OXR1: variants seen among roughly 807,000 people sequenced by gnomAD.
The protein encoded by OXR1 is oxidation resistance protein 1.
In OXR1, 41 loss-of-function variants were observed where a neutral mutation model predicts 104.6. That is an observed-to-expected ratio of 0.39 (90% CI 0.31 to 0.51). OXR1 has a LOEUF of 0.51. Among genes scored for constraint, OXR1 ranks in the 20% least tolerant of loss-of-function variants. The pLI, the probability that OXR1 is intolerant of heterozygous loss-of-function variation, is 0.77. For missense variants in OXR1, 955 were observed against 1,031.9 expected, an observed-to-expected ratio of 0.93 and a Z score of 1.02; for synonymous variants, 348 against 348.4, an observed-to-expected ratio of 1.00 and a Z score of 0.01.
intron 8 of OXR1, among the ~76,000 whole-genome samples, chr8:106,703,619 TAAAG>T (rs1220765760): frequency 6.6e-6 from 1 of 152,094 alleles, no homozygotes; most frequent in Non-Finnish European, 1.5e-5. Flanking sequence ...TGCTCAAATA[TAAAG>T]AGTTAACTTT....
At chr8:106,399,395 A>G (rs1176042162) in intron 2 of OXR1, among the ~76,000 whole-genome samples, 1 of 152,180 alleles carries the variant, frequency 6.6e-6, no homozygotes, top group African/African-American at 2.4e-5. Context: ...GCCAGGAGCA[A>G]TCAAAATAGA....
chr8:106,482,908 A>G (rs1822222953), intron 2 of OXR1, among the ~76,000 whole-genome samples: 1 of 151,984 alleles, frequency 6.6e-6, no homozygotes, highest in African/African-American at 2.4e-5. Flanking sequence ...ATCATTTCCT[A>G]AACACTTAGT....
intron 2 of OXR1, among the ~76,000 whole-genome samples, chr8:106,405,164 A>AGTGTG (rs1242038570): frequency 1.7e-5 from 1 of 59,308 alleles, no homozygotes; most frequent in African/African-American, 6.9e-5. Flanking sequence ...ATATATATAT[A>AGTGTG]TATATATATA....
chr8:106,294,408 A>T (rs1386780152), intron 1 of OXR1, among the ~76,000 whole-genome samples: 1 of 147,946 alleles, frequency 6.8e-6, no homozygotes, highest in South Asian at 2.2e-4. Flanking sequence ...AAAAAAAAAA[A>T]AAAAAAAGAA....
intron 1 of OXR1, among the ~76,000 whole-genome samples, chr8:106,277,694 C>T (rs1280173044): frequency 6.6e-6 from 1 of 152,206 alleles, no homozygotes; most frequent in Non-Finnish European, 1.5e-5. Context: ...TTAATCTTGG[C>T]TATGTCCTTG....
At chr8:106,599,412 A>G (rs190844897) in intron 3 of OXR1, among the ~76,000 whole-genome samples, 21 of 152,268 alleles carry the variant, frequency 1.4e-4, no homozygotes, top group African/African-American at 5.1e-4. Flanking sequence ...TTCTTACTAT[A>G]TATATTTTTT....
intron 3 of OXR1, among the ~76,000 whole-genome samples, chr8:106,533,772 T>C (rs1814272326): frequency 6.7e-6 from 1 of 150,016 alleles, no homozygotes; most frequent in Admixed American, 6.7e-5. Flanking sequence ...TGGAGTACAA[T>C]GGCACAATCT....
chr8:106,600,649 C>T (rs1819902938), intron 3 of OXR1, among the ~76,000 whole-genome samples: 3 of 152,074 alleles, frequency 2.0e-5, no homozygotes, highest in Admixed American at 6.5e-5. Flanking sequence ...AGACTCTGTC[C>T]CTGTTGAGGA....
At chr8:106,718,215 T>C (rs1832452672) in intron 11 of OXR1, among the ~76,000 whole-genome samples, 1 of 152,184 alleles carries the variant, frequency 6.6e-6, no homozygotes, top group Non-Finnish European at 1.5e-5. Context: ...TAAAATATGT[T>C]AAAAGAGTTC....
At chr8:106,746,800 G>C (rs1456216840) in intron 16 of OXR1, among the ~76,000 whole-genome samples, 1 of 152,048 alleles carries the variant, frequency 6.6e-6, no homozygotes, top group Non-Finnish European at 1.5e-5. Context: ...TTTGGGGGGG[G>C]TATCATTCAG....
At position 106,706,686 on chromosome 8, in the gene OXR1, G is replaced by A; in HGVS notation, c.1165G>A (p.Gly389Ser). 6.2e-7 allele frequency: 1 copy of A among 1,613,010 alleles called. No homozygotes were observed. The highest frequency in any genetic ancestry group is 8.5e-7 in the Non-Finnish European group (1 of 1,179,482). The change falls in exon 9 of 17, where the codon GGT becomes AGT. Residue 389 changes from glycine (G) to serine (S), a missense_variant. Transcript: ENST00000517566. ...ESLTVKSEST[G>S]TPGHLRSDTE... The stretch of plus-strand genomic sequence containing the variant: ...TCTGACAGTCAAATCAGAATCTACT[G>A]GTACTCCTGGTCACTTAAGATCTGA...
chr8:106,746,170 ACTT>A (rs1345527902), intron 16 of OXR1, among the ~76,000 whole-genome samples: 1 of 152,144 alleles, frequency 6.6e-6, no homozygotes, highest in African/African-American at 2.4e-5. Flanking sequence ...GTACCTTTGA[ACTT>A]CTCTAATTTT....
chr8:106,489,523 A>G (rs2129838558), intron 2 of OXR1, among the ~76,000 whole-genome samples: 1 of 152,316 alleles, frequency 6.6e-6, no homozygotes, highest in South Asian at 2.1e-4. Context: ...CATATCTTAT[A>G]TGTAGTAGAT....
intron 3 of OXR1, among the ~76,000 whole-genome samples, chr8:106,676,439 G>C (rs560716240): frequency 1.3e-5 from 2 of 152,194 alleles, no homozygotes; most frequent in Non-Finnish European, 2.9e-5. Context: ...GTAGTGTCTG[G>C]TAATGGTCTT....
intron 2 of OXR1, among the ~76,000 whole-genome samples, chr8:106,518,249 T>C (rs1417049422): frequency 1.3e-5 from 2 of 152,206 alleles, no homozygotes; most frequent in Admixed American, 6.5e-5. Flanking sequence ...CAAGGGCCAA[T>C]AGTAAATTGG....
At chr8:106,711,336 C>T (rs1390464213) in intron 10 of OXR1, among the ~76,000 whole-genome samples, 1 of 152,084 alleles carries the variant, frequency 6.6e-6, no homozygotes, top group African/African-American at 2.4e-5. Flanking sequence ...CCCAGTAGAA[C>T]TGAAACATTA....
intron 1 of OXR1, among the ~76,000 whole-genome samples, chr8:106,353,064 G>A (rs573577607): frequency 1.6e-4 from 24 of 152,264 alleles, no homozygotes; most frequent in South Asian, 8.3e-4. Flanking sequence ...ATTTAACTAT[G>A]GGCTAGGCAT....
At chr8:106,462,046 C>G (rs1363446698) in intron 2 of OXR1, among the ~76,000 whole-genome samples, 1 of 151,998 alleles carries the variant, frequency 6.6e-6, no homozygotes, top group African/African-American at 2.4e-5. Context: ...TCTTCTTTTT[C>G]TAATATGTTT....
rs570979649 is a variant in OXR1, at chr8:106,606,139, T to G, written c.221-73071T>G. Among the ~76,000 whole-genome samples, 11 of 152,254 alleles carry G rather than the reference T, an allele frequency of 7.2e-5. No homozygotes were observed. In the South Asian group the frequency reaches 2.3e-3, roughly 32 times the overall value. ...AGTCGAGGTGTCAGTAGGTCTGTGC[T>G]CCTTTCTAGAGGCCCTGTGGGAGAA... On this transcript the variant is annotated intron_variant, in intron 3 of 16. Coordinates refer to ENST00000517566, the MANE Select transcript of OXR1 (RefSeq NM_001198533.2).
Sources: gnomAD v4.1 joint callset for allele counts (sites outside exome capture counted in the v4.1 genomes callset) on GRCh38, gnomAD v4.1.1 for gene constraint, MANE v1.5 for transcripts, NCBI Gene and HGNC (gene_info 2026-07-23, HGNC 2026-07-21) for gene names.